The following COL9A2 variants were observed in gnomAD, a reference collection of about 807,000 sequenced individuals.
COL9A2 encodes the protein collagen type IX alpha 2 chain.
In COL9A2, 66 loss-of-function variants were observed where a neutral mutation model predicts 111.6. That is an observed-to-expected ratio of 0.59 (90% CI 0.48 to 0.73). The LOEUF is 0.73. Among genes scored for constraint, COL9A2 ranks in the 30% least tolerant of loss-of-function variants. The pLI is 0.00. For missense variants in COL9A2, 881 were observed against 954.1 expected (o/e 0.92, Z 1.01); for synonymous variants, 353 against 364.1 (o/e 0.97, Z 0.35).
Position 40,303,178 on chromosome 1 carries a change from TCCCGGC to T in COL9A2, c.1550_1555del (p.Gly517_Arg518del). 1 of 1,611,528 alleles carries T rather than the reference TCCCGGC, an allele frequency of 6.2e-7. No individual in the cohort carries two copies. The highest frequency in any genetic ancestry group is 8.5e-7 in the Non-Finnish European group (1 of 1,178,966). On this transcript the variant is annotated inframe_deletion and splice_region_variant, in exon 29 of 32. Transcript: ENST00000372748. The surrounding 1 kb of genome is among the most constrained non-coding windows in gnomAD (Gnocchi z 4.6). Reference sequence around the variant, plus strand: ...ATCCACGATGTGCTGGTCAGTGGCATCCCGGCCCTGAAAGCAGAGGCCTTTCAGGAA... The same window carrying T: ...ATCCACGATGTGCTGGTCAGTGGCATCCTGAAAGCAGAGGCCTTTCAGGAA...
rs763686661 is a variant in COL9A2 at position 40,310,736 on chromosome 1, T to C, written c.662A>G (p.Glu221Gly). The C allele has an allele frequency of 1.3e-6, 2 of 1,565,350 alleles. No individual in the cohort carries two copies. The highest frequency in any genetic ancestry group is 1.7e-6 in the Non-Finnish European group (2 of 1,154,488). Reference sequence around the variant, plus strand: ...TACCGGTGGTCCAGGGATGCCTTGCTCTCCAGAGGCACCCACATCTCCCTT... The same window carrying C: ...TACCGGTGGTCCAGGGATGCCTTGCCCTCCAGAGGCACCCACATCTCCCTT... ...GPKGDVGASG[E>G]QGIPGPPGPQ... Residue 221 changes from glutamate (E) to glycine (G), a missense_variant, in exon 13 of 32, where the codon GAG (glutamate) becomes GGG (glycine). Physicochemically the swap from Glu to Gly is moderately conservative, Grantham distance 98 (BLOSUM62 -2). Coordinates refer to ENST00000372748, the MANE Select transcript of COL9A2 (RefSeq NM_001852.4). The surrounding 1 kb of genome is among the most constrained non-coding windows in gnomAD (Gnocchi z 4.9).
Position 40,303,658 on chromosome 1 carries a change from G to C in COL9A2, c.1420C>G (p.Pro474Ala), listed in dbSNP as rs1346185384. The change falls in exon 28 of 32, where the codon CCC becomes GCC. Residue 474 changes from proline to alanine, a missense_variant. Pro to Ala is a conservative substitution (Grantham distance 27). Coordinates refer to ENST00000372748, the MANE Select transcript of COL9A2 (RefSeq NM_001852.4). The surrounding 1 kb of genome is among the most constrained non-coding windows in gnomAD (Gnocchi z 4.6). ...PKGQQGVRGEPGYPGPSGDAG... is the reference protein window; with the variant it reads ...PKGQQGVRGEAGYPGPSGDAG... ...TCCCCGCTGGGGCCAGGGTAGCCGG[G>C]TTCTCCACGTACTCCTTGCTGCGGG... The C allele has an allele frequency of 6.3e-7, 1 of 1,575,786 alleles. No homozygotes were observed. The highest frequency in any genetic ancestry group is 1.4e-5 in the African/African-American group (1 of 73,790).
Position 40,311,643 on chromosome 1 carries a change from G to A in COL9A2, c.471+19C>T. ...CCTTCCCCTGCACTTTGCCATGTCG[G>A]GGGTCTGGGGACACTTACAGGTTTC... On this transcript the variant is annotated intron_variant, in intron 9 of 31. Transcript: ENST00000372748. This position sits in a 1 kb window ranked among gnomAD's most constrained non-coding sequence, Gnocchi z 5.1. The A allele has an allele frequency of 1.2e-6, 2 of 1,614,002 alleles. No homozygotes were observed. Among genetic ancestry groups the A allele is most frequent in the Non-Finnish European group, 1.7e-6 (2 of 1,179,886 alleles).
chr1:40,303,762 T>TGGGGCCGGGAGAAAGGAGG lies in COL9A2; in HGVS notation c.1401+44_1401+45insCCTCCTTTCTCCCGGCCCC. 1 of 1,551,942 alleles carries TGGGGCCGGGAGAAAGGAGG rather than the reference T, an allele frequency of 6.4e-7. No homozygotes were observed. Among genetic ancestry groups the TGGGGCCGGGAGAAAGGAGG allele is most frequent in the Non-Finnish European group, 8.7e-7 (1 of 1,150,036 alleles). ...GGGGGGTGGGGGTCGAGGAAGGGAG[T>TGGGGCCGGGAGAAAGGAGG]GGCCGCCCAGGAAAGTCGGAGAACG... On this transcript the variant is annotated intron_variant, in intron 27 of 31. Coordinates refer to ENST00000372748, the MANE Select transcript of COL9A2 (RefSeq NM_001852.4). This position sits in a 1 kb window ranked among gnomAD's most constrained non-coding sequence, Gnocchi z 4.6.
intron 21 of COL9A2, among the ~76,000 whole-genome samples, chr1:40,305,301 C>T (rs57628980): frequency 0.023 from 3,438 of 152,068 alleles, 64 homozygotes; most frequent in South Asian, 0.033. Context: ...GTGATCCACC[C>T]GCCTCAGCCT....
Position 40,303,548 on chromosome 1 carries a change from G to A in COL9A2, c.1530C>T (p.Pro510=), listed in dbSNP as rs11550895. 4 of 1,612,226 alleles carry A rather than the reference G, an allele frequency of 2.5e-6. No homozygotes were observed. The highest frequency in any genetic ancestry group is 1.3e-5 in the African/African-American group (1 of 74,824). ...GACTCACCTCCACGCCCTGTCTCCC[G>A]GGCTGTCCTGGCACGCCTCGGTTCC... ...LAGNRGVPGQ[P]GRQGVEGRDA... is the part of the protein sequence containing the mutation. The change falls in exon 28 of 32, where the codon CCC becomes CCT. Residue 510 remains proline (P), a synonymous_variant. Transcript: ENST00000372748. This position sits in a 1 kb window ranked among gnomAD's most constrained non-coding sequence, Gnocchi z 4.6.
At position 40,307,562 on chromosome 1, in the gene COL9A2, C is replaced by A; in HGVS notation, c.955-63G>T. On this transcript the variant is annotated intron_variant, in intron 18 of 31. Coordinates refer to ENST00000372748, the MANE Select transcript of COL9A2 (RefSeq NM_001852.4). This position sits in a 1 kb window ranked among gnomAD's most constrained non-coding sequence, Gnocchi z 4.8. ...TCCAGCCAGAGGGCCATGGCTTCTA[C>A]CCAGATGCAGGTAGGGAAACTGAGA... 1 of 1,599,852 alleles carries A rather than the reference C, an allele frequency of 6.3e-7. No homozygotes were observed. Among genetic ancestry groups the A allele is most frequent in the Non-Finnish European group, 8.6e-7 (1 of 1,168,832 alleles).
Position 40,314,439 on chromosome 1 carries a change from G to C in COL9A2, c.151-52C>G, listed in dbSNP as rs773230613. The C allele has an allele frequency of 5.0e-6, 8 of 1,612,110 alleles. No individual in the cohort carries two copies. In the South Asian group the frequency reaches 8.8e-5, roughly 18 times the overall value. ...CACACTACGGCTCACACTACCCCAA[G>C]TGGGCACACACAGGCCCTGGCAGGC... On this transcript the variant is annotated intron_variant, in intron 2 of 31. Transcript: ENST00000372748. The surrounding 1 kb of genome is among the most constrained non-coding windows in gnomAD (Gnocchi z 4.1).
rs372191928 is a variant in COL9A2 at position 40,307,755 on chromosome 1, C to T, written c.902G>A (p.Gly301Asp). Reference sequence around the variant, plus strand: ...ATCCTTGCCGTTGATGCCTGGGGGGCCCTACCCAGGAGGAAAGTTCAAGGG... The same window carrying T: ...ATCCTTGCCGTTGATGCCTGGGGGGTCCTACCCAGGAGGAAAGTTCAAGGG... ...QGITGPKGAT[G>D]PPGINGKDGT... is the part of the protein sequence containing the mutation. Residue 301 changes from glycine (G) to aspartate (D), a missense_variant and splice_region_variant, in exon 18 of 32, where the codon GGC becomes GAC. Coordinates refer to ENST00000372748, the MANE Select transcript of COL9A2 (RefSeq NM_001852.4). The surrounding 1 kb of genome is among the most constrained non-coding windows in gnomAD (Gnocchi z 4.8). 12 of 1,614,072 alleles carry T rather than the reference C, an allele frequency of 7.4e-6. No homozygotes were observed. The South Asian group carries it at 7.7e-5, about 10-fold the overall frequency.
At position 40,311,769 on chromosome 1, in the gene COL9A2, C is replaced by T; in HGVS notation, c.418-54G>A. The T allele has an allele frequency of 6.4e-7, 1 of 1,567,152 alleles. No individual in the cohort carries two copies. The highest frequency in any genetic ancestry group is 2.2e-5 in the East Asian group (1 of 44,688). On this transcript the variant is annotated intron_variant, in intron 8 of 31. Coordinates refer to ENST00000372748, the MANE Select transcript of COL9A2 (RefSeq NM_001852.4). The surrounding 1 kb of genome is among the most constrained non-coding windows in gnomAD (Gnocchi z 5.1). Reference sequence around the variant, plus strand: ...CCCTGACCAGCCCTTACCAGCTTACCCTAGTGCCCTCCTCCAGGTCCTGCC... The same window carrying T: ...CCCTGACCAGCCCTTACCAGCTTACTCTAGTGCCCTCCTCCAGGTCCTGCC...
chr1:40,309,383 C>T (rs1644079741), intron 16 of COL9A2, among the ~76,000 whole-genome samples: 1 of 151,596 alleles, frequency 6.6e-6, no homozygotes. Flanking sequence ...GTTTTCTGCT[C>T]CATTTTTCTG....
Position 40,307,397 on chromosome 1 carries a change from A to G in COL9A2, c.1008+49T>C, listed in dbSNP as rs1644045865. On this transcript the variant is annotated intron_variant, in intron 19 of 31. Transcript: ENST00000372748. The surrounding 1 kb of genome is among the most constrained non-coding windows in gnomAD (Gnocchi z 4.8). The stretch of plus-strand genomic sequence containing the variant: ...CCGGGTGTGTGTGGATTCTAACCTC[A>G]TCAGCCACTAGCCCCTGGCCAGCCC... 6.3e-7 allele frequency: 1 copy of G among 1,576,710 alleles called. No individual in the cohort carries two copies. The highest frequency in any genetic ancestry group is 1.3e-5 in the African/African-American group (1 of 74,180).
At position 40,310,034 on chromosome 1, in the gene COL9A2, G is replaced by C; in HGVS notation, c.793-43C>G. The C allele has an allele frequency of 6.2e-7, 1 of 1,613,620 alleles. No homozygotes were observed. Among genetic ancestry groups the C allele is most frequent in the Non-Finnish European group, 8.5e-7 (1 of 1,179,542 alleles). On this transcript the variant is annotated intron_variant, in intron 15 of 31. Coordinates refer to ENST00000372748, the MANE Select transcript of COL9A2 (RefSeq NM_001852.4). The surrounding 1 kb of genome is among the most constrained non-coding windows in gnomAD (Gnocchi z 4.9). The stretch of plus-strand genomic sequence containing the variant: ...CAGGAATCCAGGTCACACAGGCTCA[G>C]GGGGAGCCATGCCCACTCTGTGGCT...
At position 40,310,782 on chromosome 1, in the gene COL9A2, T is replaced by C. The variant is rs1453231507; in HGVS notation, c.631-15A>G. 8 of 1,557,578 alleles carry C rather than the reference T, an allele frequency of 5.1e-6. No homozygotes were observed. Among genetic ancestry groups the C allele is most frequent in the Non-Finnish European group, 7.0e-6 (8 of 1,149,914 alleles). ...CCCTTGGGACCCTAAAGGGCAGGGATGAGCTGTCAGACAGGCAGGCAGATG... is the reference window on the plus strand; with the variant it reads ...CCCTTGGGACCCTAAAGGGCAGGGACGAGCTGTCAGACAGGCAGGCAGATG... On this transcript the variant is annotated splice_polypyrimidine_tract_variant and intron_variant, in intron 12 of 31. Transcript: ENST00000372748. The surrounding 1 kb of genome is among the most constrained non-coding windows in gnomAD (Gnocchi z 4.9).
intron 16 of COL9A2, among the ~76,000 whole-genome samples, chr1:40,309,390 T>C (rs1569737016): frequency 6.6e-6 from 1 of 152,024 alleles, no homozygotes; most frequent in African/African-American, 2.4e-5. Context: ...GCTCCATTTT[T>C]CTGTAAACTT....
rs1218331372 is a variant in COL9A2 at position 40,314,154 on chromosome 1, AGGTCAATT to A, written c.249+43_249+50del. The A allele has an allele frequency of 1.9e-6, 3 of 1,586,792 alleles. No individual in the cohort carries two copies. In the African/African-American group the frequency reaches 4.0e-5, roughly 21 times the overall value. On this transcript the variant is annotated intron_variant, in intron 4 of 31. Transcript: ENST00000372748. This position sits in a 1 kb window ranked among gnomAD's most constrained non-coding sequence, Gnocchi z 4.1. Reference sequence around the variant, plus strand: ...TGAAGATGCCAGAGCCAGGCCCTGGAGGTCAATTGGCAGAGCCCTACCCTGCCCCACCC... The same window carrying A: ...TGAAGATGCCAGAGCCAGGCCCTGGAGGCAGAGCCCTACCCTGCCCCACCC...
At chr1:40,313,111 C>T (rs753208527) in intron 4 of COL9A2, among the ~76,000 whole-genome samples, 3 of 152,158 alleles carry the variant, frequency 2.0e-5, no homozygotes, top group Non-Finnish European at 4.4e-5. Flanking sequence ...GCTTGATGTC[C>T]TACCTTGACA....
chr1:40,306,318 G>C (rs1188795665), intron 19 of COL9A2, 131 bp from the exon 20 acceptor site: 25 of 961,832 alleles, frequency 2.6e-5, no homozygotes, highest in Non-Finnish European at 3.9e-5. Flanking sequence ...TCCAGCCACG[G>C]CATGATGAAC....
chr1:40,315,601 C>T lies in COL9A2; in HGVS notation c.139G>A (p.Asp47Asn), dbSNP rs1210495253. Residue 47 changes from aspartate (D) to asparagine (N), a missense_variant, in exon 2 of 32, where the codon GAC becomes AAC. Asp to Asn is a conservative substitution (Grantham distance 23). Coordinates refer to ENST00000372748, the MANE Select transcript of COL9A2 (RefSeq NM_001852.4). ...PPGPPGVPGS[D>N]GIDGDNGPPG... Reference sequence around the variant, plus strand: ...GGTTAGAGACTTACGTCGATGCCGTCGGATCCAGGCACTCCCGGCGGTCCC... The same window carrying T: ...GGTTAGAGACTTACGTCGATGCCGTTGGATCCAGGCACTCCCGGCGGTCCC... The T allele has an allele frequency of 1.2e-5, 18 of 1,552,440 alleles. No homozygotes were observed. The highest frequency in any genetic ancestry group is 2.0e-5 in the Admixed American group (1 of 51,014).
Sources: allele counts gnomAD v4.1 joint callset (sites outside exome capture counted in the v4.1 genomes callset), GRCh38; gene constraint gnomAD v4.1.1; non-coding constraint Gnocchi (gnomAD v3.1); transcripts MANE v1.5; gene names NCBI Gene and HGNC (gene_info 2026-07-23, HGNC 2026-07-21).